The following SORCS3 variants were observed in gnomAD, a reference collection of about 807,000 sequenced individuals.
The protein encoded by SORCS3 is sortilin related VPS10 domain containing receptor 3.
In SORCS3, 57 loss-of-function variants were observed where a neutral mutation model predicts 146.3. The observed-to-expected ratio is 0.39, with a 90% CI of 0.31 to 0.49. The LOEUF is 0.49. Among genes scored for constraint, SORCS3 ranks in the 20% least tolerant of loss-of-function variants. The pLI is 0.92. For synonymous variants in SORCS3, 653 were observed against 618.5 expected, an observed-to-expected ratio of 1.06 and a Z score of -0.83; for missense variants, 1,341 against 1,575.5, an observed-to-expected ratio of 0.85 and a Z score of 2.52.
chr10:104,665,165 T>A (rs1207802574), intron 1 of SORCS3: 1 of 152,262 alleles, frequency 6.6e-6, no homozygotes, highest in African/African-American at 2.4e-5. Flanking sequence ...GTTATCTCTA[T>A]GCATGTATCA....
intron 3 of SORCS3, among the ~76,000 whole-genome samples, chr10:104,939,853 C>T (rs890716938): frequency 6.6e-5 from 10 of 151,960 alleles, no homozygotes; most frequent in African/African-American, 1.9e-4. Flanking sequence ...AGCTCGAGCC[C>T]GTAATCACTA....
At chr10:105,014,168 A>T (rs1231578656) in intron 4 of SORCS3, among the ~76,000 whole-genome samples, 4 of 150,630 alleles carry the variant, frequency 2.7e-5, no homozygotes, top group Non-Finnish European at 5.9e-5. Flanking sequence ...GCATAGCAAA[A>T]AAATGGTTAT....
intron 25 of SORCS3, 56 bp downstream of exon 25, chr10:105,256,980 C>T: frequency 8.3e-7 from 1 of 1,206,702 alleles, no homozygotes; most frequent in Non-Finnish European, 1.2e-6. Context: ...GCAAATGATT[C>T]TTCCTATAAC....
intron 5 of SORCS3, among the ~76,000 whole-genome samples, chr10:105,054,546 A>T (rs1464394850): frequency 6.6e-6 from 1 of 151,830 alleles, no homozygotes; most frequent in Admixed American, 6.6e-5. Context: ...ATACCAATGG[A>T]TATTTTTAAG....
chr10:104,935,178 G>T (rs931221122), intron 3 of SORCS3, among the ~76,000 whole-genome samples: 1 of 152,178 alleles, frequency 6.6e-6, no homozygotes, highest in Non-Finnish European at 1.5e-5. Context: ...TTTTGCACCT[G>T]TTCAACTGAG....
chr10:105,216,918 T>G lies in SORCS3; in HGVS notation c.2548-18T>G. 1 of 1,613,898 alleles carries G rather than the reference T, an allele frequency of 6.2e-7. No homozygotes were observed. The highest frequency in any genetic ancestry group is 8.5e-7 in the Non-Finnish European group (1 of 1,179,832). The stretch of plus-strand genomic sequence containing the variant: ...GCTGGACCAAGTAAATTGACCCGTC[T>G]GCTATGCCATCTTGCAGGGTGATCT... On this transcript the variant is annotated intron_variant, in intron 18 of 26. Transcript: ENST00000369701.
chr10:105,030,609 T>G (rs79238929), intron 4 of SORCS3, among the ~76,000 whole-genome samples: 2 of 151,534 alleles, frequency 1.3e-5, no homozygotes, highest in South Asian at 4.2e-4. Flanking sequence ...TTTTTTTTTT[T>G]GAGACAGAGC....
intron 1 of SORCS3, among the ~76,000 whole-genome samples, chr10:104,742,733 A>T (rs886960291): frequency 5.3e-5 from 8 of 152,218 alleles, no homozygotes; most frequent in Admixed American, 3.9e-4. Context: ...CAACTGAACC[A>T]GTCAAAGAGT....
chr10:104,965,533 C>T (rs537810661), intron 3 of SORCS3, among the ~76,000 whole-genome samples: 2 of 152,320 alleles, frequency 1.3e-5, no homozygotes, highest in Non-Finnish European at 2.9e-5. Context: ...TTTGTTCCCA[C>T]CAACAGTTCA....
At chr10:104,993,611 C>T (rs1216575890) in intron 4 of SORCS3, among the ~76,000 whole-genome samples, 1 of 150,806 alleles carries the variant, frequency 6.6e-6, no homozygotes, top group Non-Finnish European at 1.5e-5. Flanking sequence ...CTGGGAAATT[C>T]ACTCTCCCTT....
chr10:104,737,704 A>G (rs1198293616), intron 1 of SORCS3, among the ~76,000 whole-genome samples: 1 of 151,556 alleles, frequency 6.6e-6, no homozygotes, highest in Non-Finnish European at 1.5e-5. Context: ...GGTTGCGAAA[A>G]TTTTCTCCCA....
intron 2 of SORCS3, among the ~76,000 whole-genome samples, chr10:104,851,027 T>G (rs541484263): frequency 2.4e-4 from 37 of 152,352 alleles, no homozygotes; most frequent in Admixed American, 1.4e-3. Context: ...TTAGTTTGAA[T>G]TCATTAAACA....
At chr10:105,082,552 G>A (rs996530368) in intron 5 of SORCS3, among the ~76,000 whole-genome samples, 9 of 152,022 alleles carry the variant, frequency 5.9e-5, no homozygotes, top group African/African-American at 2.2e-4. Context: ...TATAGATGTG[G>A]AAACTAAAAA....
chr10:104,905,799 G>C (rs531378149), intron 2 of SORCS3, among the ~76,000 whole-genome samples: 3 of 152,198 alleles, frequency 2.0e-5, no homozygotes, highest in Middle Eastern at 3.2e-3. Flanking sequence ...AGGCTCCGTC[G>C]GGGAGGATGG....
chr10:105,059,152 A>C (rs2055466004), intron 5 of SORCS3, among the ~76,000 whole-genome samples: 1 of 152,076 alleles, frequency 6.6e-6, no homozygotes, highest in Admixed American at 6.6e-5. Context: ...GAGACAAATT[A>C]GTGGAGTCCC....
chr10:104,738,646 G>A (rs1248880412), intron 1 of SORCS3, among the ~76,000 whole-genome samples: 2 of 152,126 alleles, frequency 1.3e-5, no homozygotes, highest in East Asian at 1.9e-4. Context: ...ATGGACGCAC[G>A]GGCTTTGAGG....
At chr10:105,223,327 G>C in intron 20 of SORCS3, 78 bp downstream of exon 20, 1 of 1,396,070 alleles carries the variant, frequency 7.2e-7, no homozygotes, top group Non-Finnish European at 9.5e-7. Context: ...TGTCTATTAG[G>C]GGGCACTGAG....
chr10:104,724,918 C>T (rs546142471), intron 1 of SORCS3, among the ~76,000 whole-genome samples: 121 of 152,214 alleles, frequency 7.9e-4, no homozygotes, highest in South Asian at 2.3e-3. Context: ...GCCATGAGTT[C>T]GAACTTCCTC....
chr10:104,994,638 G>A (rs2055013200), intron 4 of SORCS3, among the ~76,000 whole-genome samples: 1 of 152,064 alleles, frequency 6.6e-6, no homozygotes, highest in African/African-American at 2.4e-5. Context: ...TTCACAATTG[G>A]TGGTACTCTT....
Sources: gnomAD v4.1 joint callset for allele counts (sites outside exome capture counted in the v4.1 genomes callset) on GRCh38, gnomAD v4.1.1 for gene constraint, MANE v1.5 for transcripts, NCBI Gene and HGNC (gene_info 2026-07-23, HGNC 2026-07-21) for gene names.